ADAMTS17: variants seen among roughly 807,000 people sequenced by gnomAD.
The protein encoded by ADAMTS17 is A disintegrin and metalloproteinase with thrombospondin motifs 17.
ADAMTS17 carries 113 observed loss-of-function variants against 141.5 expected under a neutral mutation model. The observed-to-expected ratio is 0.80, with a 90% CI of 0.69 to 0.93. ADAMTS17 has a LOEUF of 0.93. Ranked by LOEUF, ADAMTS17 falls within the 40% of genes least tolerant of loss-of-function variation. The probability of loss-of-function intolerance (pLI) is 0.00; values close to 1 mark genes in which losing one functional copy is unlikely to be tolerated. For synonymous variants in ADAMTS17, 768 were observed against 630.6 expected, an observed-to-expected ratio of 1.22 and a Z score of -3.27; for missense variants, 1,659 against 1,517.9, an observed-to-expected ratio of 1.09 and a Z score of -1.54.
At chr15:100,327,635 A>G (rs774709526) in intron 3 of ADAMTS17, among the ~76,000 whole-genome samples, 1 of 152,256 alleles carries the variant, frequency 6.6e-6, no homozygotes, top group Non-Finnish European at 1.5e-5. Context: ...GAGAAATTAA[A>G]ACAAGCACAG....
intron 12 of ADAMTS17, among the ~76,000 whole-genome samples, chr15:100,130,678 T>G (rs1229119448): frequency 1.4e-4 from 21 of 152,192 alleles, no homozygotes; most frequent in Non-Finnish European, 1.5e-5. Context: ...TTTTTAAACA[T>G]AAGAGGCATT....
intron 3 of ADAMTS17, among the ~76,000 whole-genome samples, chr15:100,318,495 G>C (rs1201478924): frequency 6.6e-6 from 1 of 152,144 alleles, no homozygotes. Flanking sequence ...AGGACACAGA[G>C]AGAAGGCACC....
chr15:100,127,458 C>G (rs2037801242), intron 12 of ADAMTS17, among the ~76,000 whole-genome samples: 1 of 152,222 alleles, frequency 6.6e-6, no homozygotes, highest in African/African-American at 2.4e-5. Flanking sequence ...GAAGGAAGCA[C>G]TGTGCTGACA....
chr15:100,341,142 C>T lies in ADAMTS17; in HGVS notation c.347G>A (p.Arg116Gln), dbSNP rs1264294955. 1.4e-6 allele frequency: 2 copies of T among 1,439,112 alleles called. No homozygotes were observed. Among genetic ancestry groups the T allele is most frequent in the East Asian group, 3.0e-5 (1 of 33,178 alleles). The allele number at this position is 1,439,112 out of a possible 1,614,324, so 89.1% of individuals were successfully genotyped here. Residue 116 changes from arginine to glutamine, a missense_variant, in exon 2 of 22, where the codon CGG (arginine) becomes CAG (glutamine). Transcript: ENST00000268070. ...GFEVEEAGAA[R>Q]RRGRPAELCF... ...CAGCTCGGCGGGGCGGCCGCGGCGCCGGGCCGCGCCCGCCTCCTCCACCTC... is the reference window on the plus strand; with the variant it reads ...CAGCTCGGCGGGGCGGCCGCGGCGCTGGGCCGCGCCCGCCTCCTCCACCTC...
chr15:100,020,170 C>T (rs1050744681), intron 18 of ADAMTS17, among the ~76,000 whole-genome samples: 4 of 152,164 alleles, frequency 2.6e-5, no homozygotes, highest in African/African-American at 4.8e-5. Flanking sequence ...CCCAGCTGCC[C>T]GGCCCCACAA....
At chr15:100,331,115 C>A in intron 2 of ADAMTS17, 61 bp from the exon 3 acceptor site, 2 of 1,604,050 alleles carry the variant, frequency 1.2e-6, no homozygotes, top group South Asian at 1.1e-5. Flanking sequence ...CGCCCATGGC[C>A]CCCCGGAGGG....
chr15:99,976,488 A>T (rs551604471), intron 20 of ADAMTS17: 38 of 593,176 alleles, frequency 6.4e-5, no homozygotes, highest in African/African-American at 5.2e-4. Context: ...GGCACTTGCA[A>T]TCATTCAGGG....
At chr15:100,053,793 A>C (rs79179121) in intron 16 of ADAMTS17, 104 bp downstream of exon 16, 2 of 1,570,320 alleles carry the variant, frequency 1.3e-6, no homozygotes, top group Admixed American at 1.7e-5. Flanking sequence ...AGCCAGATGC[A>C]TTTCCTGCCC....
intron 7 of ADAMTS17, among the ~76,000 whole-genome samples, chr15:100,208,392 G>GTACCTGTGCAGAGGGAAGGGGC (rs1555483010): frequency 6.6e-6 from 1 of 152,206 alleles, no homozygotes; most frequent in African/African-American, 2.4e-5. Flanking sequence ...AAGGAAGTGG[G>GTACCTGTGCAGAGGGAAGGGGC]TACCTGTGCA....
intron 7 of ADAMTS17, among the ~76,000 whole-genome samples, chr15:100,235,241 G>A (rs190068303): frequency 6.6e-4 from 100 of 152,234 alleles, no homozygotes; most frequent in African/African-American, 2.1e-3. Flanking sequence ...AAAGCCATGC[G>A]TCATGCTTGT....
At chr15:100,036,633 A>T (rs2030746436) in intron 18 of ADAMTS17, among the ~76,000 whole-genome samples, 1 of 152,242 alleles carries the variant, frequency 6.6e-6, no homozygotes, top group Non-Finnish European at 1.5e-5. Context: ...ACCACAATGC[A>T]ACCATCTGAA....
chr15:100,064,768 A>C (rs1596330209), intron 15 of ADAMTS17, among the ~76,000 whole-genome samples: 1 of 152,342 alleles, frequency 6.6e-6, no homozygotes, highest in East Asian at 1.9e-4. Flanking sequence ...GCAACTGGCT[A>C]ATGCCTGGTT....
At chr15:100,309,523 G>C (rs1596492321) in intron 3 of ADAMTS17, among the ~76,000 whole-genome samples, 1 of 152,182 alleles carries the variant, frequency 6.6e-6, no homozygotes, top group African/African-American at 2.4e-5. Flanking sequence ...TCTGGTGCCT[G>C]TCTCACCACC....
At position 100,051,787 on chromosome 15, in the gene ADAMTS17, A is replaced by T. The variant is rs4965569; in HGVS notation, c.2296-56T>A. Reference sequence around the variant, plus strand: ...TGAAAAGGAAGGAAGGCCCGTGGGAATGCCGAATCTGCACACACAGGCACA... The same window carrying T: ...TGAAAAGGAAGGAAGGCCCGTGGGATTGCCGAATCTGCACACACAGGCACA... On this transcript the variant is annotated intron_variant, in intron 16 of 21. Transcript: ENST00000268070. 412,198 of 1,608,904 alleles carry T rather than the reference A, an allele frequency of 0.26. 60,440 individuals are homozygous for T. Among genetic ancestry groups the T allele is most frequent in the African/African-American group, 0.55 (40,918 of 74,902 alleles).
chr15:100,082,998 C>T (rs932902796), intron 15 of ADAMTS17, among the ~76,000 whole-genome samples: 15 of 152,146 alleles, frequency 9.9e-5, no homozygotes, highest in Non-Finnish European at 1.8e-4. Context: ...ACTCCTAGAG[C>T]TGCTGTGTTA....
chr15:100,139,217 C>A (rs1263911340), intron 10 of ADAMTS17, among the ~76,000 whole-genome samples: 1 of 152,014 alleles, frequency 6.6e-6, no homozygotes, highest in East Asian at 1.9e-4. Flanking sequence ...AGAAAATATC[C>A]AAAATGTAGA....
At chr15:100,244,010 A>G (rs940974272) in intron 7 of ADAMTS17, among the ~76,000 whole-genome samples, 2 of 152,062 alleles carry the variant, frequency 1.3e-5, no homozygotes, top group Admixed American at 1.3e-4. Flanking sequence ...GAGTCTGGGT[A>G]TAAAGGAAAA....
intron 12 of ADAMTS17, among the ~76,000 whole-genome samples, chr15:100,119,528 G>A (rs566573857): frequency 3.9e-4 from 60 of 152,146 alleles, no homozygotes; most frequent in Non-Finnish European, 6.2e-4. Context: ...TTCCTTTTAC[G>A]CTTCAGTTTC....
rs2046043107 is a variant in ADAMTS17 at position 100,331,187 on chromosome 15, T to C, written c.451-133A>G. The C allele has an allele frequency of 3.5e-6, 4 of 1,143,782 alleles. No homozygotes were observed. In the South Asian group the frequency reaches 5.3e-5, roughly 15 times the overall value. The allele number at this position is 1,143,782 out of a possible 1,614,324, so 70.9% of individuals were successfully genotyped here. A position where few individuals can be genotyped will look rare whatever the true frequency, so the allele number is the denominator to read the frequency against. ...GGTCTGGGCTCGTTTCTTTGCAGATTGGTCAGATTTACCTGAGCCCAAGAG... is the reference window on the plus strand; with the variant it reads ...GGTCTGGGCTCGTTTCTTTGCAGATCGGTCAGATTTACCTGAGCCCAAGAG... On this transcript the variant is annotated intron_variant, in intron 2 of 21. Transcript: ENST00000268070.
Sources: gnomAD v4.1 joint callset for allele counts (sites outside exome capture counted in the v4.1 genomes callset) on GRCh38, gnomAD v4.1.1 for gene constraint, MANE v1.5 for transcripts, NCBI Gene and HGNC (gene_info 2026-07-23, HGNC 2026-07-21) for gene names.